The following DCD variants were observed in gnomAD, a reference collection of about 807,000 sequenced individuals.
The protein encoded by DCD is dermcidin, also known as diffusible survival/evasion peptide.
In DCD, 17 loss-of-function variants were observed where a neutral mutation model predicts 14.5. The observed-to-expected ratio is 1.18, with a 90% confidence interval of 0.81 to 1.76. DCD has a LOEUF of 1.76. Among genes scored for constraint, DCD ranks in the 40% most tolerant of loss-of-function variants. The probability of loss-of-function intolerance (pLI) is 0.00; values close to 1 mark genes in which losing one functional copy is unlikely to be tolerated. For synonymous variants in DCD, 64 were observed against 54.0 expected (o/e 1.19, Z -0.82); for missense variants, 139 against 133.4 (o/e 1.04, Z -0.21).
At chr12:54,647,428 G>A (rs1192735292) in intron 1 of DCD, among the ~76,000 whole-genome samples, 1 of 152,190 alleles carries the variant, frequency 6.6e-6, no homozygotes, top group African/African-American at 2.4e-5. Flanking sequence ...CTATGTCTTA[G>A]ATGTCCAAGT....
Position 54,645,174 on chromosome 12 carries a change from T to G in DCD, c.288A>C (p.Lys96Asn). The G allele has an allele frequency of 6.2e-7, 1 of 1,614,010 alleles. No individual in the cohort carries two copies. The highest frequency in any genetic ancestry group is 1.3e-5 in the African/African-American group (1 of 75,022). Residue 96 changes from lysine to asparagine, a missense_variant and splice_region_variant, in exon 4 of 5, where the codon AAA (lysine) becomes AAC (asparagine). Coordinates refer to ENST00000293371, the MANE Select transcript of DCD (RefSeq NM_053283.4). ...GGAGGAGTGGGGACATATACTCACC[T>G]TTACCCACGCTTTCTAGATCTTCGA... ...DAVEDLESVG[K>N]GAVHDVKDVL...
Position 54,645,240 on chromosome 12 carries a change from T to C in DCD, c.222A>G (p.Lys74=). The C allele has an allele frequency of 6.2e-7, 1 of 1,614,088 alleles. No individual in the cohort carries two copies. The highest frequency in any genetic ancestry group is 1.1e-5 in the South Asian group (1 of 91,074). Residue 74 remains lysine, a synonymous_variant, in exon 4 of 5, where the codon AAA becomes AAG. Coordinates refer to ENST00000293371, the MANE Select transcript of DCD (RefSeq NM_053283.4). ...GTTTTCCGAGTCCCCCCACAGCTTTTTTTGCTCCGTCTAGGCCTTTTTCTA... is the reference window on the plus strand; with the variant it reads ...GTTTTCCGAGTCCCCCCACAGCTTTCTTTGCTCCGTCTAGGCCTTTTTCTA... ...SLLEKGLDGA[K]KAVGGLGKLG...
intron 1 of DCD, among the ~76,000 whole-genome samples, chr12:54,647,818 G>T (rs1958273530): frequency 6.6e-6 from 1 of 152,244 alleles, no homozygotes; most frequent in African/African-American, 2.4e-5. Context: ...GCTTCAGCAA[G>T]CCTGCTGTGA....
Position 54,647,128 on chromosome 12 carries a change from C to G in DCD, c.90G>C (p.Ser30=), listed in dbSNP as rs144133059. Residue 30 remains serine, a synonymous_variant, in exon 2 of 5, where the codon TCG becomes TCC. Transcript: ENST00000293371. ...GGAAGAGAAAGGACTCACGGTTCCCCGATCCTGGGGCAGAGGCGGCCTCTG... is the reference window on the plus strand; with the variant it reads ...GGAAGAGAAAGGACTCACGGTTCCCGGATCCTGGGGCAGAGGCGGCCTCTG... ...YDPEAASAPG[S]GNPCHEASAA... 3.8e-6 allele frequency: 6 copies of G among 1,560,170 alleles called. No individual in the cohort carries two copies. The highest frequency in any genetic ancestry group is 3.5e-6 in the Non-Finnish European group (4 of 1,151,300).
Position 54,648,295 on chromosome 12 carries a change from G to A in DCD, c.9C>T (p.Phe3=). ...GAGCTGTCAGGAAGAGGAGAGTCAT[G>A]AACCTCATGCTTCTGTGTGCTGGAG... The part of the protein sequence containing the change: MR[F]MTLLFLTALA... Residue 3 remains phenylalanine, a synonymous_variant, in exon 1 of 5, where the codon TTC becomes TTT. Coordinates refer to ENST00000293371, the MANE Select transcript of DCD (RefSeq NM_053283.4). 1 of 1,614,008 alleles carries A rather than the reference G, an allele frequency of 6.2e-7. No homozygotes were observed. The highest frequency in any genetic ancestry group is 1.1e-5 in the South Asian group (1 of 91,062).
intron 1 of DCD, 45 bp from the exon 2 acceptor site, chr12:54,647,204 C>T (rs1213679756): frequency 1.3e-6 from 2 of 1,545,616 alleles, no homozygotes; most frequent in Non-Finnish European, 8.8e-7. Flanking sequence ...GGCACAGTTG[C>T]ATGAGCTGTA....
rs77605968 is a variant in DCD at position 54,644,742 on chromosome 12, C to T, written c.304G>A (p.Val102Ile). Residue 102 changes from valine to isoleucine, a missense_variant, in exon 5 of 5, where the codon GTT (valine) becomes ATT (isoleucine). Coordinates refer to ENST00000293371, the MANE Select transcript of DCD (RefSeq NM_053283.4). Reference sequence around the variant, plus strand: ...AGTACTGAGTCAAGGACGTCTTTAACGTCATGGACGGCTCCTAGGACAGCC... The same window carrying T: ...AGTACTGAGTCAAGGACGTCTTTAATGTCATGGACGGCTCCTAGGACAGCC... ...ESVGKGAVHD[V>I]KDVLDSVL 1.7e-3 allele frequency: 2,733 copies of T among 1,604,818 alleles called. 46 individuals carry two copies. The African/African-American group carries it at 0.032, about 18-fold the overall frequency.
At chr12:54,647,024 C>G in intron 2 of DCD, 97 bp downstream of exon 2, 2 of 1,321,194 alleles carry the variant, frequency 1.5e-6, no homozygotes, top group Non-Finnish European at 2.1e-6. Flanking sequence ...TCTCCTTCCC[C>G]GGACCCCCCT....
In DCD at chr12:54,648,298, C is replaced by A. The variant is rs750067609; in HGVS notation, c.6G>T (p.Arg2Ser). 6.2e-7 allele frequency: 1 copy of A among 1,613,948 alleles called. No individual in the cohort carries two copies. The highest frequency in any genetic ancestry group is 8.5e-7 in the Non-Finnish European group (1 of 1,179,954). ...CTGTCAGGAAGAGGAGAGTCATGAA[C>A]CTCATGCTTCTGTGTGCTGGAGTGG... Reference protein sequence around the residue: MRFMTLLFLTAL... With the variant: MSFMTLLFLTAL... Residue 2 changes from arginine to serine, a missense_variant, in exon 1 of 5, where the codon AGG becomes AGT. By Grantham distance (110) the Arg-to-Ser change is moderately radical. Transcript: ENST00000293371.
intron 2 of DCD, chr12:54,646,169 T>A (rs1292335064): frequency 2.2e-6 from 1 of 456,120 alleles, no homozygotes; most frequent in East Asian, 7.0e-5. Flanking sequence ...TCAAAACTTC[T>A]GTTATTGCAT....
rs73112792 is a variant in DCD, at chr12:54,644,842, G to A, written c.290-86C>T. 9.2e-4 allele frequency: 1,424 copies of A among 1,553,066 alleles called. 1 individual carries two copies. The highest frequency in any genetic ancestry group is 1.2e-3 in the Non-Finnish European group (1,325 of 1,146,128). On this transcript the variant is annotated intron_variant, in intron 4 of 4. Transcript: ENST00000293371. ...GAGCCAGGGAATTGGGGAAGGAGAG[G>A]TAGGGGAAGGGGAAGGGGAAGGGAG...
Position 54,645,167 on chromosome 12 carries a change from A to G in DCD, c.289+6T>C. ...TCCTGAGGGAGGAGTGGGGACATAT[A>G]CTCACCTTTACCCACGCTTTCTAGA... On this transcript the variant is annotated splice_donor_region_variant and intron_variant, in intron 4 of 4. Transcript: ENST00000293371. The G allele has an allele frequency of 6.2e-7, 1 of 1,613,200 alleles. No homozygotes were observed. The highest frequency in any genetic ancestry group is 8.5e-7 in the Non-Finnish European group (1 of 1,179,604).
At chr12:54,644,994 G>T in intron 4 of DCD, 179 bp downstream of exon 4, 1 of 1,524,402 alleles carries the variant, frequency 6.6e-7, no homozygotes, top group Non-Finnish European at 8.9e-7. Context: ...AAGCAAGTTA[G>T]ACCCCAGGAA....
intron 4 of DCD, chr12:54,644,963 G>T: frequency 1.9e-6 from 3 of 1,547,334 alleles, no homozygotes; most frequent in Non-Finnish European, 2.6e-6. Context: ...CAGGGGCAGG[G>T]GGCAAGAGCA....
At position 54,644,743 on chromosome 12, in the gene DCD, G is replaced by A. The variant is rs373661792; in HGVS notation, c.303C>T (p.Asp101=). 21 of 1,604,884 alleles carry A rather than the reference G, an allele frequency of 1.3e-5. No homozygotes were observed. The highest frequency in any genetic ancestry group is 4.5e-5 in the East Asian group (2 of 44,726). ...LESVGKGAVH[D]VKDVLDSVL ...GTACTGAGTCAAGGACGTCTTTAAC[G>A]TCATGGACGGCTCCTAGGACAGCCA... Residue 101 remains aspartate (D), a synonymous_variant, in exon 5 of 5, where the codon GAC becomes GAT. Transcript: ENST00000293371.
At chr12:54,645,430 A>G (rs1958251403) in intron 3 of DCD, among the ~76,000 whole-genome samples, 168 bp from the exon 4 acceptor site, 1 of 152,202 alleles carries the variant, frequency 6.6e-6, no homozygotes, top group African/African-American at 2.4e-5. Context: ...TATTAGCTGC[A>G]AAACCTATGG....
chr12:54,646,354 G>C (rs889651942), intron 2 of DCD, among the ~76,000 whole-genome samples: 2 of 152,154 alleles, frequency 1.3e-5, no homozygotes, highest in South Asian at 2.1e-4. Flanking sequence ...TCCAGAGTGT[G>C]TACATGGCTG....
At chr12:54,648,149 G>T in intron 1 of DCD, 97 bp downstream of exon 1, 1 of 1,379,796 alleles carries the variant, frequency 7.2e-7, no homozygotes, top group Non-Finnish European at 1.0e-6. Flanking sequence ...ACAGACTTGG[G>T]TGAACTGCCT....
rs778304023 is a variant in DCD at position 54,648,316 on chromosome 12, T to C, written c.-13A>G. 1.9e-6 allele frequency: 3 copies of C among 1,613,738 alleles called. No homozygotes were observed. Among genetic ancestry groups the C allele is most frequent in the Non-Finnish European group, 2.5e-6 (3 of 1,179,916 alleles). On this transcript the variant is annotated 5_prime_UTR_variant, in exon 1 of 5. Coordinates refer to ENST00000293371, the MANE Select transcript of DCD (RefSeq NM_053283.4). ...TCATGAACCTCATGCTTCTGTGTGC[T>C]GGAGTGGGTATGCCACCAAATCCTT...
Sources: allele counts gnomAD v4.1 joint callset (sites outside exome capture counted in the v4.1 genomes callset), GRCh38; gene constraint gnomAD v4.1.1; transcripts MANE v1.5; gene names NCBI Gene and HGNC (gene_info 2026-07-23, HGNC 2026-07-21).